The following AP2B1 variants were observed in gnomAD, a reference collection of about 807,000 sequenced individuals.
AP2B1 encodes the protein AP-2 complex subunit beta.
In AP2B1, 23 loss-of-function variants were observed where a neutral mutation model predicts 102.0. That is an observed-to-expected ratio of 0.23 (90% CI 0.16 to 0.32). The LOEUF is 0.32. Among genes scored for constraint, AP2B1 ranks in the 10% least tolerant of loss-of-function variants. The probability of loss-of-function intolerance (pLI) is 1.00; values close to 1 mark genes in which losing one functional copy is unlikely to be tolerated. For synonymous variants in AP2B1, 381 were observed against 421.2 expected (o/e 0.90, Z 1.17); for missense variants, 541 against 1,157.4 (o/e 0.47, Z 7.73).
chr17:35,622,270 C>T (rs2074201296), intron 5 of AP2B1, among the ~76,000 whole-genome samples: 1 of 152,152 alleles, frequency 6.6e-6, no homozygotes, highest in Admixed American at 6.6e-5. Context: ...TCTGATTTTT[C>T]ATCTTAGCAT....
chr17:35,650,822 A>G, intron 13 of AP2B1, 33 bp downstream of exon 13: 1 of 1,606,120 alleles, frequency 6.2e-7, no homozygotes, highest in East Asian at 2.2e-5. Flanking sequence ...TGAGTGAGAA[A>G]TGACTCTTGT....
At chr17:35,607,351 C>T (rs191101894) in intron 4 of AP2B1, among the ~76,000 whole-genome samples, 1 of 152,142 alleles carries the variant, frequency 6.6e-6, no homozygotes, top group East Asian at 1.9e-4. Flanking sequence ...ACTTTTTGTT[C>T]TTTTCCTGTG....
chr17:35,620,779 C>T (rs2074153866), intron 5 of AP2B1, among the ~76,000 whole-genome samples: 1 of 152,114 alleles, frequency 6.6e-6, no homozygotes, highest in African/African-American at 2.4e-5. Context: ...ATCAGTGCGA[C>T]TGCATTCCAG....
At chr17:35,633,537 T>A (rs1837111194) in intron 9 of AP2B1, among the ~76,000 whole-genome samples, 1 of 152,176 alleles carries the variant, frequency 6.6e-6, no homozygotes, top group Admixed American at 6.5e-5. Flanking sequence ...TACAATAAAG[T>A]AAAACTGAAT....
chr17:35,723,776 G>A lies in AP2B1; in HGVS notation c.*77G>A. 2.7e-6 allele frequency: 3 copies of A among 1,122,536 alleles called. No individual in the cohort carries two copies. 69.5% of individuals were successfully genotyped at this position (1,122,536 alleles called of 1,614,324 possible). A position where few individuals can be genotyped will look rare whatever the true frequency, so the allele number is the denominator to read the frequency against. On this transcript the variant is annotated 3_prime_UTR_variant, in exon 22 of 22. Transcript: ENST00000610402. ...ACTCTTAACTGGAAGAAATTGTATTGCTGCGTAGAATCTGAACACACTGAG... is the reference window on the plus strand; with the variant it reads ...ACTCTTAACTGGAAGAAATTGTATTACTGCGTAGAATCTGAACACACTGAG...
At chr17:35,595,495 C>T (rs1450879713) in intron 2 of AP2B1, among the ~76,000 whole-genome samples, 2 of 151,990 alleles carry the variant, frequency 1.3e-5, no homozygotes, top group Non-Finnish European at 2.9e-5. Context: ...TGCAGTGAGT[C>T]GTGATTGTGC....
At chr17:35,618,057 C>T (rs762991965) in intron 5 of AP2B1, among the ~76,000 whole-genome samples, 12 of 152,026 alleles carry the variant, frequency 7.9e-5, no homozygotes, top group Non-Finnish European at 1.8e-4. Flanking sequence ...ACCTCTCATT[C>T]TAAGGAAGAA....
At chr17:35,697,585 C>T (rs1053117743) in intron 18 of AP2B1, among the ~76,000 whole-genome samples, 3 of 152,190 alleles carry the variant, frequency 2.0e-5, no homozygotes, top group African/African-American at 7.2e-5. Context: ...TGGTGCTGAG[C>T]AAGCCCTTTT....
At chr17:35,637,129 G>T (rs1191489044) in intron 10 of AP2B1, among the ~76,000 whole-genome samples, 1 of 152,232 alleles carries the variant, frequency 6.6e-6, no homozygotes, top group Admixed American at 6.5e-5. Context: ...ATCTGAAAAT[G>T]AAATAAAAGC....
chr17:35,613,336 A>G (rs1444922074), intron 5 of AP2B1, among the ~76,000 whole-genome samples: 1 of 151,660 alleles, frequency 6.6e-6, no homozygotes, highest in African/African-American at 2.4e-5. Context: ...TTGGTGTTAT[A>G]TTGACCTCAA....
At chr17:35,684,625 A>C (rs2075892948) in intron 18 of AP2B1, among the ~76,000 whole-genome samples, 1 of 152,196 alleles carries the variant, frequency 6.6e-6, no homozygotes, top group African/African-American at 2.4e-5. Context: ...AGAATAAAGC[A>C]AGGATTACTA....
chr17:35,617,238 T>C (rs1483311715), intron 5 of AP2B1, among the ~76,000 whole-genome samples: 1 of 152,176 alleles, frequency 6.6e-6, no homozygotes, highest in Admixed American at 6.5e-5. Flanking sequence ...GTATTTTTAG[T>C]AGAGACAGGG....
rs553736443 is a variant in AP2B1, at chr17:35,622,687, C to T, written c.526-1710C>T. 7.8e-4 allele frequency among the ~76,000 whole-genome samples: 119 copies of T among 152,232 alleles called. 2 individuals carry two copies. The highest frequency in any genetic ancestry group is 2.6e-3 in the African/African-American group (107 of 41,558). On this transcript the variant is annotated intron_variant, in intron 5 of 21. Coordinates refer to ENST00000610402, the MANE Select transcript of AP2B1 (RefSeq NM_001030006.2). ...AATATTTATTTATTTATTTTTGAGACGGAGTCTCACTCTGTCGCCCAAGCT... is the reference window on the plus strand; with the variant it reads ...AATATTTATTTATTTATTTTTGAGATGGAGTCTCACTCTGTCGCCCAAGCT...
chr17:35,622,227 A>C (rs1428919444), intron 5 of AP2B1, among the ~76,000 whole-genome samples: 1 of 152,220 alleles, frequency 6.6e-6, no homozygotes, highest in African/African-American at 2.4e-5. Context: ...AGTATAAAAT[A>C]GTATATCTGT....
intron 13 of AP2B1, among the ~76,000 whole-genome samples, chr17:35,656,631 C>G (rs980574568): frequency 6.6e-6 from 1 of 152,160 alleles, no homozygotes; most frequent in Admixed American, 6.5e-5. Context: ...TGCGGTGGCT[C>G]ACGCCTGTAA....
intron 20 of AP2B1, chr17:35,713,886 C>G (rs369478883): frequency 6.6e-6 from 1 of 152,344 alleles, no homozygotes; most frequent in East Asian, 1.9e-4. Context: ...TCTCTCCTTT[C>G]TAGCACCGAT....
chr17:35,667,933 AT>A (rs34486349), intron 14 of AP2B1, among the ~76,000 whole-genome samples: 2,095 of 120,140 alleles, frequency 0.017, 33 homozygotes, highest in African/African-American at 0.059. Context: ...CGCTGCTCAA[AT>A]TTTTTTTTTT....
At chr17:35,620,638 G>GC (rs1261845749) in intron 5 of AP2B1, among the ~76,000 whole-genome samples, 1 of 152,078 alleles carries the variant, frequency 6.6e-6, no homozygotes, top group Non-Finnish European at 1.5e-5. Flanking sequence ...AATATAGCCA[G>GC]CCCCATCTCT....
chr17:35,709,230 G>A lies in AP2B1; in HGVS notation c.2461G>A (p.Val821Met), dbSNP rs1555586246. 2.5e-6 allele frequency: 4 copies of A among 1,614,046 alleles called. No individual in the cohort carries two copies. Among genetic ancestry groups the A allele is most frequent in the African/African-American group, 1.3e-5 (1 of 75,010 alleles). ...MEPLNNLQVAVKNNIDVFYFS... is the reference protein window; with the variant it reads ...MEPLNNLQVAMKNNIDVFYFS... ...CTTGTTGCTTTCCTGGCAGGTGGCT[G>A]TGAAAAACAATATCGATGTCTTCTA... Residue 821 changes from valine to methionine, a missense_variant, in exon 19 of 22, where the codon GTG (valine) becomes ATG (methionine). Physicochemically the swap from Val to Met is conservative, Grantham distance 21. Transcript: ENST00000610402.
Sources: allele counts gnomAD v4.1 joint callset (sites outside exome capture counted in the v4.1 genomes callset), GRCh38; gene constraint gnomAD v4.1.1; transcripts MANE v1.5; gene names NCBI Gene and HGNC (gene_info 2026-07-23, HGNC 2026-07-21).